The following STXBP6 variants were observed in gnomAD, a reference collection of about 807,000 sequenced individuals.
STXBP6 encodes syntaxin-binding protein 6.
STXBP6 carries 21 observed loss-of-function variants against 26.9 expected under a neutral mutation model. The ratio of observed to expected loss-of-function variants is 0.78; its 90% CI spans 0.55 to 1.12. The LOEUF (loss-of-function observed/expected upper bound fraction) is 1.12. Among genes scored for constraint, STXBP6 ranks in the 50% most tolerant of loss-of-function variants. The pLI is 0.00. For missense variants in STXBP6, 232 were observed against 257.9 expected, an observed-to-expected ratio of 0.90 and a Z score of 0.69; for synonymous variants, 97 against 92.6, an observed-to-expected ratio of 1.05 and a Z score of -0.27.
At chr14:25,015,370 C>A (rs1425162052) in intron 1 of STXBP6, among the ~76,000 whole-genome samples, 1 of 152,064 alleles carries the variant, frequency 6.6e-6, no homozygotes, top group African/African-American at 2.4e-5. Flanking sequence ...CTGTTCCAGA[C>A]ACATACCCTG....
chr14:25,017,012 T>C (rs1252364333), intron 1 of STXBP6, among the ~76,000 whole-genome samples: 2 of 152,126 alleles, frequency 1.3e-5, no homozygotes, highest in African/African-American at 4.8e-5. Context: ...TTCTTAGAAA[T>C]TACTACAAAT....
At chr14:24,970,067 C>A (rs1595217460) in intron 2 of STXBP6, among the ~76,000 whole-genome samples, 1 of 152,070 alleles carries the variant, frequency 6.6e-6, no homozygotes, top group East Asian at 1.9e-4. Context: ...CATGGTGAAA[C>A]ACCGTCTCTA....
At chr14:24,855,361 A>C (rs1398151394) in intron 4 of STXBP6, among the ~76,000 whole-genome samples, 1 of 152,104 alleles carries the variant, frequency 6.6e-6, no homozygotes, top group Admixed American at 6.6e-5. Context: ...ATGCCACCTA[A>C]GAAATGTGCT....
chr14:24,953,924 G>C (rs1207076343), intron 2 of STXBP6, among the ~76,000 whole-genome samples: 1 of 152,166 alleles, frequency 6.6e-6, no homozygotes, highest in South Asian at 2.1e-4. Context: ...GCTGTTCTTG[G>C]GTGGGGTAAA....
At chr14:24,844,539 A>T (rs1431738318) in intron 4 of STXBP6, among the ~76,000 whole-genome samples, 1 of 152,224 alleles carries the variant, frequency 6.6e-6, no homozygotes, top group African/African-American at 2.4e-5. Context: ...ACTGGATTAA[A>T]TTGTAGGGCA....
In STXBP6 at chr14:25,049,514, G is replaced by C. The variant is rs1189252468; in HGVS notation, c.-33+364C>G. 7 of 985,388 alleles carry C rather than the reference G, an allele frequency of 7.1e-6. No homozygotes were observed. Among genetic ancestry groups the C allele is most frequent in the African/African-American group, 7.0e-5 (4 of 57,236 alleles). 61.0% of individuals were successfully genotyped at this position (985,388 alleles called of 1,614,324 possible). A position where few individuals can be genotyped will look rare whatever the true frequency, so the allele number is the denominator to read the frequency against. ...CTGGGAGCCTCGGGGCAGCATTCTC[G>C]GGGCCCATGCCATCGCGGGGACGGT... On this transcript the variant is annotated intron_variant, in intron 1 of 5. Transcript: ENST00000323944. The surrounding 1 kb of genome is among the most constrained non-coding windows in gnomAD (Gnocchi z 5.6).
chr14:24,893,743 C>T (rs183988782), intron 2 of STXBP6, among the ~76,000 whole-genome samples: 8 of 152,296 alleles, frequency 5.3e-5, no homozygotes, highest in Non-Finnish European at 1.2e-4. Context: ...ATGTACCTCC[C>T]ATTAACATTT....
intron 2 of STXBP6, among the ~76,000 whole-genome samples, chr14:24,894,671 C>T: frequency 6.6e-6 from 1 of 152,170 alleles, no homozygotes; most frequent in East Asian, 1.9e-4. Flanking sequence ...CTTACCACAT[C>T]TCACAACTCT....
chr14:25,035,345 G>T (rs1369323055), intron 1 of STXBP6, among the ~76,000 whole-genome samples: 1 of 151,992 alleles, frequency 6.6e-6, no homozygotes. Flanking sequence ...GGATGTGGGC[G>T]GTCCTTTACT....
intron 1 of STXBP6, among the ~76,000 whole-genome samples, chr14:25,022,356 T>C (rs1473975170): frequency 1.3e-5 from 2 of 152,180 alleles, no homozygotes; most frequent in Non-Finnish European, 2.9e-5. Context: ...TCTCTCTTCC[T>C]AGAGTTCCCC....
At chr14:24,933,146 G>T (rs1372453827) in intron 2 of STXBP6, among the ~76,000 whole-genome samples, 8 of 152,182 alleles carry the variant, frequency 5.3e-5, no homozygotes, top group Admixed American at 4.6e-4. Context: ...TTTGAGACCA[G>T]CCTAGCCAAT....
At chr14:24,867,655 CA>C (rs200946912) in intron 2 of STXBP6, among the ~76,000 whole-genome samples, 2,932 of 151,428 alleles carry the variant, frequency 0.019, 125 homozygotes, top group East Asian at 0.15. Context: ...GTACTATACA[CA>C]AAAAAAATAA....
At chr14:24,921,153 A>G (rs2071963259) in intron 2 of STXBP6, among the ~76,000 whole-genome samples, 1 of 152,192 alleles carries the variant, frequency 6.6e-6, no homozygotes, top group Non-Finnish European at 1.5e-5. Context: ...GAATAGTATC[A>G]CTTACTTCAC....
chr14:25,049,327 G>A lies in STXBP6; in HGVS notation c.-33+551C>T. On this transcript the variant is annotated intron_variant, in intron 1 of 5. Coordinates refer to ENST00000323944, the MANE Select transcript of STXBP6 (RefSeq NM_001394410.1). The surrounding 1 kb of genome is among the most constrained non-coding windows in gnomAD (Gnocchi z 5.6). ...GAGATCGGAAAGGGGGCATCGCCCA[G>A]GGCCAGCGCCCTGGGGGCAGGGTGC... 1.0e-6 allele frequency: 1 copy of A among 985,476 alleles called. No individual in the cohort carries two copies. The highest frequency in any genetic ancestry group is 1.2e-6 in the Non-Finnish European group (1 of 829,948). 61.0% of individuals were successfully genotyped at this position (985,476 alleles called of 1,614,324 possible).
At chr14:24,812,798 G>A in intron 5 of STXBP6, 66 bp from the exon 6 acceptor site, 1 of 1,494,452 alleles carries the variant, frequency 6.7e-7, no homozygotes, top group South Asian at 1.1e-5. Context: ...AGATTTCACT[G>A]TGCTGCTCCC....
intron 1 of STXBP6, among the ~76,000 whole-genome samples, chr14:24,985,076 A>T (rs1333172098): frequency 6.6e-6 from 1 of 152,234 alleles, no homozygotes; most frequent in Admixed American, 6.5e-5. Context: ...CTACAAAGAT[A>T]ACAAATCGAG....
intron 2 of STXBP6, among the ~76,000 whole-genome samples, chr14:24,926,654 A>G (rs2072181302): frequency 6.6e-6 from 1 of 152,144 alleles, no homozygotes; most frequent in African/African-American, 2.4e-5. Context: ...AATATTTCCA[A>G]CGCAGAGGCT....
chr14:24,911,783 A>G (rs2071584657), intron 2 of STXBP6, among the ~76,000 whole-genome samples: 3 of 152,212 alleles, frequency 2.0e-5, no homozygotes, highest in African/African-American at 7.2e-5. Flanking sequence ...ATAGCTTAGA[A>G]AAACCAGAAG....
intron 4 of STXBP6, among the ~76,000 whole-genome samples, chr14:24,829,881 TAC>T (rs1458134326): frequency 1.3e-5 from 2 of 152,046 alleles, no homozygotes; most frequent in African/African-American, 2.4e-5. Flanking sequence ...GTGTAAAAAA[TAC>T]GTTATAATAA....
Sources: gnomAD v4.1 joint callset for allele counts (sites outside exome capture counted in the v4.1 genomes callset) on GRCh38, gnomAD v4.1.1 for gene constraint, Gnocchi (gnomAD v3.1) non-coding constraint, MANE v1.5 for transcripts, NCBI Gene and HGNC (gene_info 2026-07-23, HGNC 2026-07-21) for gene names.